Variants in TLN2 observed in about 807,000 individuals in gnomAD.
TLN2 encodes talin-2.
TLN2 carries 118 observed loss-of-function variants against 294.7 expected under a neutral mutation model. The ratio of observed to expected loss-of-function variants is 0.40; its 90% CI spans 0.34 to 0.47. The LOEUF (loss-of-function observed/expected upper bound fraction) is 0.47. Among genes scored for constraint, TLN2 ranks in the 20% least tolerant of loss-of-function variants. The pLI, the probability that TLN2 is intolerant of heterozygous loss-of-function variation, is 0.84. For synonymous variants in TLN2, 1,431 were observed against 1,304.5 expected, an observed-to-expected ratio of 1.10 and a Z score of -2.09; for missense variants, 3,083 against 3,282.2, an observed-to-expected ratio of 0.94 and a Z score of 1.48.
At chr15:62,537,428 A>G (rs1415248894) in intron 1 of TLN2, among the ~76,000 whole-genome samples, 5 of 152,232 alleles carry the variant, frequency 3.3e-5, no homozygotes, top group Admixed American at 3.3e-4. Context: ...AATCTTCAGT[A>G]GTACTTAGTC....
chr15:62,645,475 G>T (rs899255669), intron 3 of TLN2, among the ~76,000 whole-genome samples: 1 of 152,238 alleles, frequency 6.6e-6, no homozygotes, highest in African/African-American at 2.4e-5. Context: ...CAGTTGGACG[G>T]CCTGAAAGGT....
chr15:62,409,732 C>G (rs966943695), intron 1 of TLN2, among the ~76,000 whole-genome samples: 7 of 150,234 alleles, frequency 4.7e-5, no homozygotes, highest in Admixed American at 4.6e-4. Context: ...ATGCATATTT[C>G]AAAAATTGGT....
rs1200054932 is a variant in TLN2 at position 62,429,945 on chromosome 15, C to T, written c.-238+39260C>T. Among the ~76,000 whole-genome samples the T allele has an allele frequency of 2.6e-5, 4 of 152,200 alleles. No individual in the cohort carries two copies. The East Asian group carries it at 5.8e-4, about 22-fold the overall frequency. Reference sequence around the variant, plus strand: ...TCACTGGTTAAGGTTTTTACATAACCGATATAAATGCGGAGACTTCCTGAG... The same window carrying T: ...TCACTGGTTAAGGTTTTTACATAACTGATATAAATGCGGAGACTTCCTGAG... On this transcript the variant is annotated intron_variant, in intron 1 of 58. Coordinates refer to ENST00000636159, the MANE Select transcript of TLN2 (RefSeq NM_015059.3).
intron 1 of TLN2, among the ~76,000 whole-genome samples, chr15:62,432,303 AACAG>A (rs1166647758): frequency 6.6e-6 from 1 of 152,200 alleles, no homozygotes; most frequent in Non-Finnish European, 1.5e-5. Flanking sequence ...ATTTTCAAAG[AACAG>A]ACATTTATTT....
intron 52 of TLN2, among the ~76,000 whole-genome samples, chr15:62,811,279 A>G (rs1484573024): frequency 6.6e-6 from 1 of 152,160 alleles, no homozygotes; most frequent in Non-Finnish European, 1.5e-5. Flanking sequence ...CAAAGTCTGA[A>G]CCCTTGTAAA....
At chr15:62,581,171 C>T (rs765199147) in intron 1 of TLN2, among the ~76,000 whole-genome samples, 7 of 152,170 alleles carry the variant, frequency 4.6e-5, no homozygotes, top group Non-Finnish European at 7.3e-5. Context: ...TGAGACACCG[C>T]GCCCGGCCCA....
chr15:62,590,618 C>T (rs2046002976), intron 2 of TLN2, among the ~76,000 whole-genome samples: 1 of 152,016 alleles, frequency 6.6e-6, no homozygotes, highest in African/African-American at 2.4e-5. Context: ...TTGCTGGAGC[C>T]CTCCATGGTT....
intron 33 of TLN2, among the ~76,000 whole-genome samples, chr15:62,749,285 T>A (rs973268877): frequency 6.6e-6 from 1 of 152,232 alleles, no homozygotes; most frequent in Non-Finnish European, 1.5e-5. Context: ...AGGGGATTGT[T>A]ATCACAGGAC....
intron 51 of TLN2, among the ~76,000 whole-genome samples, chr15:62,809,641 A>T (rs1229817488): frequency 6.6e-6 from 1 of 152,158 alleles, no homozygotes; most frequent in Non-Finnish European, 1.5e-5. Context: ...TTGCATTTCA[A>T]AAAAATGTGG....
chr15:62,816,130 G>A (rs1239051553), intron 52 of TLN2, among the ~76,000 whole-genome samples: 1 of 152,172 alleles, frequency 6.6e-6, no homozygotes, highest in Admixed American at 6.5e-5. Context: ...CCCGCCTGGG[G>A]AATCCTTTAG....
intron 25 of TLN2, 102 bp from the exon 26 acceptor site, chr15:62,722,251 C>CA (rs2060193433): frequency 3.8e-6 from 5 of 1,312,472 alleles, no homozygotes; most frequent in Non-Finnish European, 5.1e-6. Flanking sequence ...TTTTTTAGGA[C>CA]AAAATCAGTT....
intron 9 of TLN2, among the ~76,000 whole-genome samples, chr15:62,673,310 C>T (rs75990554): frequency 2.1e-3 from 89 of 42,882 alleles, no homozygotes; most frequent in Middle Eastern, 0.042. Context: ...TTAGATGTTG[C>T]TTTTTTTTTT....
chr15:62,540,311 G>A (rs1476164366), intron 1 of TLN2, among the ~76,000 whole-genome samples: 1 of 151,934 alleles, frequency 6.6e-6, no homozygotes, highest in South Asian at 2.1e-4. Flanking sequence ...CTGCACTCCA[G>A]CCTGGGTGAC....
chr15:62,582,213 CA>C (rs2045130503), intron 1 of TLN2, among the ~76,000 whole-genome samples: 1 of 131,986 alleles, frequency 7.6e-6, no homozygotes, highest in Non-Finnish European at 1.6e-5. Context: ...CACACACACA[CA>C]CACACACACA....
At chr15:62,728,845 G>T (rs760809362) in intron 28 of TLN2, among the ~76,000 whole-genome samples, 2 of 152,020 alleles carry the variant, frequency 1.3e-5, no homozygotes, top group African/African-American at 4.8e-5. Context: ...TGAACAAAAG[G>T]TTTTATTTTA....
At chr15:62,700,979 C>A in intron 16 of TLN2, 127 bp from the exon 17 acceptor site, 1 of 736,662 alleles carries the variant, frequency 1.4e-6, no homozygotes, top group Non-Finnish European at 2.3e-6. Context: ...AACTTAAGGG[C>A]CCTGTCGGTG....
chr15:62,426,112 A>G (rs1470171611), intron 1 of TLN2, among the ~76,000 whole-genome samples: 1 of 152,118 alleles, frequency 6.6e-6, no homozygotes, highest in African/African-American at 2.4e-5. Flanking sequence ...CCATGGAAGC[A>G]TTTGTTCTAA....
chr15:62,676,580 G>A (rs7174383), intron 11 of TLN2, among the ~76,000 whole-genome samples: 1 of 152,098 alleles, frequency 6.6e-6, no homozygotes, highest in African/African-American at 2.4e-5. Context: ...CTCATTCAAA[G>A]CTATCAACAA....
At chr15:62,740,822 G>A (rs1022592875) in intron 32 of TLN2, 53 bp downstream of exon 32, 18 of 1,603,626 alleles carry the variant, frequency 1.1e-5, no homozygotes, top group Non-Finnish European at 1.5e-5. Context: ...TGTCATTGCA[G>A]TCTGAAGATG....
Sources: gnomAD v4.1 joint callset for allele counts (sites outside exome capture counted in the v4.1 genomes callset) on GRCh38, gnomAD v4.1.1 for gene constraint, MANE v1.5 for transcripts, NCBI Gene and HGNC (gene_info 2026-07-23, HGNC 2026-07-21) for gene names.